Variants in LPP observed in about 807,000 individuals in gnomAD.
LPP encodes the protein LIM domain containing preferred translocation partner in lipoma, also known as lipoma-preferred partner.
In LPP, 38 loss-of-function variants were observed where a neutral mutation model predicts 60.4. That is an observed-to-expected ratio of 0.63 (90% CI 0.49 to 0.83). The LOEUF (loss-of-function observed/expected upper bound fraction) is 0.83, where lower values mean the gene tolerates loss of function less well. LPP is among the 40% of genes least tolerant of loss of function. The pLI, the probability that LPP is intolerant of heterozygous loss-of-function variation, is 0.00. For missense variants in LPP, 902 were observed against 783.6 expected, an observed-to-expected ratio of 1.15 and a Z score of -1.80; for synonymous variants, 328 against 290.8, an observed-to-expected ratio of 1.13 and a Z score of -1.30.
intron 3 of LPP, among the ~76,000 whole-genome samples, chr3:188,400,958 C>T (rs922395442): frequency 6.6e-6 from 1 of 152,018 alleles, no homozygotes; most frequent in African/African-American, 2.4e-5. Flanking sequence ...TTCATCAAAC[C>T]CATTTATCAA....
At chr3:188,382,109 A>G (rs552129834) in intron 3 of LPP, among the ~76,000 whole-genome samples, 1 of 152,188 alleles carries the variant, frequency 6.6e-6, no homozygotes, top group East Asian at 1.9e-4. Context: ...GAAGATAGAG[A>G]AAAAAGCCCT....
intron 9 of LPP, among the ~76,000 whole-genome samples, chr3:188,824,343 G>C (rs1301596162): frequency 6.6e-6 from 1 of 152,154 alleles, no homozygotes; most frequent in Non-Finnish European, 1.5e-5. Flanking sequence ...GCCACATGTG[G>C]CTTCTTTAAA....
chr3:188,727,173 C>T (rs543813793), intron 8 of LPP, among the ~76,000 whole-genome samples: 231 of 152,268 alleles, frequency 1.5e-3, no homozygotes, highest in African/African-American at 5.4e-3. Context: ...GCAAGTTTTG[C>T]TTCTCTTTGC....
At chr3:188,538,361 G>A (rs1275033255) in intron 6 of LPP, among the ~76,000 whole-genome samples, 1 of 152,124 alleles carries the variant, frequency 6.6e-6, no homozygotes, top group Non-Finnish European at 1.5e-5. Flanking sequence ...GAAAAAGACA[G>A]CCCAATTAAG....
intron 1 of LPP, among the ~76,000 whole-genome samples, chr3:188,171,117 C>T (rs544037260): frequency 5.3e-5 from 8 of 152,234 alleles, no homozygotes; most frequent in East Asian, 1.9e-4. Flanking sequence ...GTGTATGAAA[C>T]GTTAGGGTTA....
chr3:188,782,992 C>T (rs1402997975), intron 9 of LPP, among the ~76,000 whole-genome samples: 2 of 152,142 alleles, frequency 1.3e-5, no homozygotes, highest in African/African-American at 4.8e-5. Context: ...CAAATCTGTG[C>T]CCATCCTTTC....
rs1167795146 is a variant in LPP at position 188,732,716 on chromosome 3, C to CAA, written c.1240+24342_1240+24343dup. Among the ~76,000 whole-genome samples the CAA allele has an allele frequency of 9.8e-3, 729 of 74,316 alleles. 32 individuals are homozygous for CAA. The highest frequency in any genetic ancestry group is 0.047 in the South Asian group (70 of 1,488). 48.8% of individuals were successfully genotyped at this position (74,316 alleles called of 152,430 possible). The stretch of plus-strand genomic sequence containing the variant: ...CCTAGCGACAGAGTGAGACTCTTAT[C>CAA]AAAAAAAAAAAAAAAAAAAAGAATA... On this transcript the variant is annotated intron_variant, in intron 8 of 11. Coordinates refer to ENST00000617246, the MANE Select transcript of LPP (RefSeq NM_001375462.1).
intron 5 of LPP, among the ~76,000 whole-genome samples, chr3:188,499,748 T>G (rs1316304420): frequency 6.6e-6 from 1 of 152,202 alleles, no homozygotes; most frequent in Non-Finnish European, 1.5e-5. Context: ...GAACATGAGA[T>G]GTCTACCATT....
chr3:188,157,000 A>G (rs989478447), intron 1 of LPP, among the ~76,000 whole-genome samples: 2 of 152,232 alleles, frequency 1.3e-5, no homozygotes, highest in Non-Finnish European at 2.9e-5. Context: ...TATCGAATCA[A>G]TTGTAAAACA....
At chr3:188,439,537 C>A (rs1793251064) in intron 4 of LPP, among the ~76,000 whole-genome samples, 1 of 152,184 alleles carries the variant, frequency 6.6e-6, no homozygotes, top group African/African-American at 2.4e-5. Flanking sequence ...TAACAAAAGT[C>A]CCTTGGCACT....
At chr3:188,817,702 A>G (rs1010199946) in intron 9 of LPP, among the ~76,000 whole-genome samples, 4 of 152,160 alleles carry the variant, frequency 2.6e-5, no homozygotes, top group Non-Finnish European at 5.9e-5. Flanking sequence ...TGACTTTGAA[A>G]TGGTTTTAAC....
At chr3:188,240,156 T>G in intron 2 of LPP, 1 of 187,306 alleles carries the variant, frequency 5.3e-6, no homozygotes, top group Non-Finnish European at 1.1e-5. Context: ...GAGGATCTCA[T>G]CTCAAGGTGG....
At chr3:188,348,915 C>T (rs1378897840) in intron 3 of LPP, among the ~76,000 whole-genome samples, 3 of 152,194 alleles carry the variant, frequency 2.0e-5, no homozygotes, top group Admixed American at 6.5e-5. Flanking sequence ...GAAGTCACTC[C>T]TTGGGAATAA....
chr3:188,586,451 A>C (rs536979246), intron 6 of LPP, among the ~76,000 whole-genome samples: 17 of 152,292 alleles, frequency 1.1e-4, no homozygotes, highest in South Asian at 1.0e-3. Context: ...ACCATGTTTA[A>C]TTGATATTAG....
chr3:188,420,349 A>G (rs947076444), intron 4 of LPP, among the ~76,000 whole-genome samples: 1 of 152,282 alleles, frequency 6.6e-6, no homozygotes, highest in African/African-American at 2.4e-5. Context: ...CTCTTTGAAA[A>G]GTAGTGTTTT....
At chr3:188,476,213 A>T (rs1803180003) in intron 4 of LPP, among the ~76,000 whole-genome samples, 1 of 152,080 alleles carries the variant, frequency 6.6e-6, no homozygotes. Flanking sequence ...ACACTTTGTT[A>T]GTTCTATTTG....
intron 6 of LPP, among the ~76,000 whole-genome samples, chr3:188,550,315 G>A (rs368656217): frequency 7.9e-5 from 12 of 152,068 alleles, no homozygotes; most frequent in Admixed American, 5.2e-4. Context: ...GCAGTGGCTC[G>A]TGCCTGTAAT....
At chr3:188,633,005 A>G (rs1156716808) in intron 7 of LPP, among the ~76,000 whole-genome samples, 1 of 152,122 alleles carries the variant, frequency 6.6e-6, no homozygotes, top group Non-Finnish European at 1.5e-5. Context: ...TATCTTATTT[A>G]TGCAATCTGA....
At chr3:188,544,330 A>C (rs760079021) in intron 6 of LPP, among the ~76,000 whole-genome samples, 1 of 152,208 alleles carries the variant, frequency 6.6e-6, no homozygotes, top group Non-Finnish European at 1.5e-5. Context: ...TGATAAGTAA[A>C]GGAAGCTTGA....
Sources: allele counts gnomAD v4.1 joint callset (sites outside exome capture counted in the v4.1 genomes callset), GRCh38; gene constraint gnomAD v4.1.1; transcripts MANE v1.5; gene names NCBI Gene and HGNC (gene_info 2026-07-23, HGNC 2026-07-21).